PROSER2: variants seen among roughly 807,000 people sequenced by gnomAD.
PROSER2 encodes proline and serine rich 2, also known as proline and serine-rich protein 2.
PROSER2 carries 18 observed loss-of-function variants against 14.6 expected under a neutral mutation model. The ratio of observed to expected loss-of-function variants is 1.23; its 90% CI spans 0.85 to 1.83. The LOEUF (loss-of-function observed/expected upper bound fraction) is 1.83. Ranked by LOEUF, PROSER2 falls within the 40% of genes most tolerant of loss-of-function variation. The pLI is 0.00. For synonymous variants in PROSER2, 367 were observed against 286.4 expected, an observed-to-expected ratio of 1.28 and a Z score of -2.84; for missense variants, 823 against 629.8, an observed-to-expected ratio of 1.31 and a Z score of -3.28.
intron 1 of PROSER2, among the ~76,000 whole-genome samples, chr10:11,847,154 A>AATATATATATAT (rs200913870): frequency 1.1e-5 from 1 of 88,250 alleles, no homozygotes; most frequent in African/African-American, 3.8e-5. Flanking sequence ...AACATAAATA[A>AATATATATATAT]ATATATATAT....
intron 2 of PROSER2, among the ~76,000 whole-genome samples, chr10:11,860,389 G>A (rs1199334903): frequency 6.6e-6 from 1 of 152,176 alleles, no homozygotes; most frequent in Non-Finnish European, 1.5e-5. Flanking sequence ...GGCCAAGGTG[G>A]GTGGATCACG....
chr10:11,825,113 A>G (rs1250052098), intron 1 of PROSER2, among the ~76,000 whole-genome samples: 1 of 152,188 alleles, frequency 6.6e-6, no homozygotes, highest in East Asian at 1.9e-4. Context: ...GTTCTTAGAC[A>G]CCCAAGGCGC....
At chr10:11,835,287 T>C (rs1180596412) in intron 1 of PROSER2, among the ~76,000 whole-genome samples, 2 of 152,078 alleles carry the variant, frequency 1.3e-5, no homozygotes, top group African/African-American at 4.8e-5. Flanking sequence ...TGTATGAATG[T>C]GCAACTTTAG....
intron 3 of PROSER2, among the ~76,000 whole-genome samples, chr10:11,867,894 A>G (rs1364982778): frequency 1.3e-5 from 2 of 152,220 alleles, no homozygotes; most frequent in African/African-American, 2.4e-5. Context: ...AGGGTTTAAC[A>G]TTGGAAGGGA....
chr10:11,858,733 C>T (rs930630283), intron 2 of PROSER2, among the ~76,000 whole-genome samples: 5 of 152,030 alleles, frequency 3.3e-5, no homozygotes, highest in South Asian at 2.1e-4. Context: ...GGGATGGGCC[C>T]GGCACAGTAG....
chr10:11,837,352 T>G lies in PROSER2; in HGVS notation c.-82+13882T>G, dbSNP rs1833776276. 6.6e-6 allele frequency among the ~76,000 whole-genome samples: 1 copy of G among 152,216 alleles called. No homozygotes were observed. The highest frequency in any genetic ancestry group is 2.4e-5 in the African/African-American group (1 of 41,452). On this transcript the variant is annotated intron_variant, in intron 1 of 3. Transcript: ENST00000277570. This position sits in a 1 kb window ranked among gnomAD's most constrained non-coding sequence, Gnocchi z 4.6. ...TCATACGTTCAAGTTATGACCACTG[T>G]GTGACAAGTGCTTAGGGACATTTGT...
chr10:11,839,750 G>A (rs564353147), intron 1 of PROSER2, among the ~76,000 whole-genome samples: 6 of 150,588 alleles, frequency 4.0e-5, no homozygotes, highest in Non-Finnish European at 7.4e-5. Context: ...GCTTGAACCC[G>A]GGAGGCAGAG....
intron 2 of PROSER2, among the ~76,000 whole-genome samples, chr10:11,860,207 C>T (rs907653588): frequency 6.6e-6 from 1 of 152,224 alleles, no homozygotes; most frequent in African/African-American, 2.4e-5. Flanking sequence ...GGGATACACA[C>T]CAGGTGCCCA....
rs896245541 is a variant in PROSER2, at chr10:11,823,378, C to G, written c.-174C>G. 6.6e-5 allele frequency: 10 copies of G among 152,078 alleles called. No homozygotes were observed. The highest frequency in any genetic ancestry group is 2.4e-4 in the African/African-American group (10 of 41,080). The allele number at this position is 152,078 out of a possible 1,614,324, so 9.4% of individuals were successfully genotyped here. A position where few individuals can be genotyped will look rare whatever the true frequency, so the allele number is the denominator to read the frequency against. On this transcript the variant is annotated 5_prime_UTR_variant, in exon 1 of 4. Coordinates refer to ENST00000277570, the MANE Select transcript of PROSER2 (RefSeq NM_153256.4). The surrounding 1 kb of genome is among the most constrained non-coding windows in gnomAD (Gnocchi z 6.2). ...AGGGAGAGCGCGCGGCGGGGCGTCC[C>G]GGAACAGTCTGCGCCAGACGGGCGG...
At chr10:11,845,277 C>A (rs1213432259) in intron 1 of PROSER2, among the ~76,000 whole-genome samples, 1 of 152,140 alleles carries the variant, frequency 6.6e-6, no homozygotes, top group African/African-American at 2.4e-5. Context: ...GTTTACACCC[C>A]CACCAGCGGA....
rs376787683 is a variant in PROSER2 at position 11,828,909 on chromosome 10, G to C, written c.-82+5439G>C. On this transcript the variant is annotated intron_variant, in intron 1 of 3. Coordinates refer to ENST00000277570, the MANE Select transcript of PROSER2 (RefSeq NM_153256.4). ...AGGTGTTTTGGGAGCAGAGGACAGA[G>C]AGTCTTTCTGTCAGGGGTGTCAGAA... Among the ~76,000 whole-genome samples the C allele has an allele frequency of 7.2e-5, 11 of 152,286 alleles. No homozygotes were observed. The South Asian group carries it at 1.2e-3, about 17-fold the overall frequency.
intron 1 of PROSER2, among the ~76,000 whole-genome samples, chr10:11,847,243 T>C (rs1383293450): frequency 2.0e-5 from 3 of 151,794 alleles, no homozygotes; most frequent in South Asian, 2.1e-4. Context: ...CTCATCTCTC[T>C]TTTCTGTTAC....
intron 2 of PROSER2, among the ~76,000 whole-genome samples, chr10:11,860,963 G>A (rs898771649): frequency 3.3e-5 from 5 of 151,998 alleles, no homozygotes; most frequent in East Asian, 3.9e-4. Flanking sequence ...AAAATTAACC[G>A]GGCGTGGTGG....
rs1467052695 is a variant in PROSER2 at position 11,823,759 on chromosome 10, G to A, written c.-82+289G>A. Among the ~76,000 whole-genome samples, 1 of 152,158 alleles carries A rather than the reference G, an allele frequency of 6.6e-6. No homozygotes were observed. The highest frequency in any genetic ancestry group is 1.5e-5 in the Non-Finnish European group (1 of 68,014). On this transcript the variant is annotated intron_variant, in intron 1 of 3. Coordinates refer to ENST00000277570, the MANE Select transcript of PROSER2 (RefSeq NM_153256.4). This position sits in a 1 kb window ranked among gnomAD's most constrained non-coding sequence, Gnocchi z 6.2. ...TTCCGAGTCTGGGGCTATCCTGGGG[G>A]CTCAGGGGTGGAGGCGGGTTTCCCA... is the stretch of plus-strand genomic sequence containing the variant.
intron 1 of PROSER2, among the ~76,000 whole-genome samples, chr10:11,841,967 C>T (rs1488004274): frequency 2.6e-5 from 4 of 152,108 alleles, no homozygotes; most frequent in Non-Finnish European, 1.5e-5. Flanking sequence ...AAAGGCCAGG[C>T]TTCCTAGCAC....
intron 1 of PROSER2, among the ~76,000 whole-genome samples, chr10:11,843,263 T>G (rs935345858): frequency 2.7e-4 from 41 of 150,410 alleles, no homozygotes; most frequent in African/African-American, 9.5e-4. Flanking sequence ...TGAAAGAATA[T>G]TTTTATAGGC....
Position 11,866,480 on chromosome 10 carries a change from G to C in PROSER2, c.139-51G>C. ...CTTTGCTTCAGCTTTTGTCTCTTTA[G>C]TGAAGCCAGTGTTTGTTTTCTCTCT... is the stretch of plus-strand genomic sequence containing the variant. On this transcript the variant is annotated intron_variant, in intron 2 of 3. Transcript: ENST00000277570. This position sits in a 1 kb window ranked among gnomAD's most constrained non-coding sequence, Gnocchi z 6.0. 1.3e-6 allele frequency: 2 copies of C among 1,599,250 alleles called. No homozygotes were observed. Among genetic ancestry groups the C allele is most frequent in the Non-Finnish European group, 8.5e-7 (1 of 1,171,796 alleles).
intron 2 of PROSER2, among the ~76,000 whole-genome samples, chr10:11,863,400 C>T (rs1369434483): frequency 1.3e-5 from 2 of 152,042 alleles, no homozygotes; most frequent in African/African-American, 2.4e-5. Flanking sequence ...ATTAGCAGGG[C>T]ACAGACGTGC....
In PROSER2 at chr10:11,865,888, G is replaced by A. The variant is rs758982449; in HGVS notation, c.139-643G>A. 9.2e-5 allele frequency among the ~76,000 whole-genome samples: 14 copies of A among 152,234 alleles called. No individual in the cohort carries two copies. In the East Asian group the frequency reaches 1.2e-3, roughly 13 times the overall value. Reference sequence around the variant, plus strand: ...TCACCTTGCCCACACTTCCAGAGCCGCTCAGCACCTCCAGGGCCTGAGCTT... The same window carrying A: ...TCACCTTGCCCACACTTCCAGAGCCACTCAGCACCTCCAGGGCCTGAGCTT... On this transcript the variant is annotated intron_variant, in intron 2 of 3. Coordinates refer to ENST00000277570, the MANE Select transcript of PROSER2 (RefSeq NM_153256.4). This position sits in a 1 kb window ranked among gnomAD's most constrained non-coding sequence, Gnocchi z 4.2.
Sources: allele counts gnomAD v4.1 joint callset (sites outside exome capture counted in the v4.1 genomes callset), GRCh38; gene constraint gnomAD v4.1.1; non-coding constraint Gnocchi (gnomAD v3.1); transcripts MANE v1.5; gene names NCBI Gene and HGNC (gene_info 2026-07-23, HGNC 2026-07-21).